The following LRRC69 variants were observed in gnomAD, a reference collection of about 807,000 sequenced individuals.
LRRC69 encodes leucine rich repeat containing 69.
Under a neutral mutation model 37.8 loss-of-function variants are expected in LRRC69, and 42 were observed. The observed-to-expected ratio is 1.11, with a 90% CI of 0.87 to 1.44. The LOEUF (loss-of-function observed/expected upper bound fraction) is 1.44. Among genes scored for constraint, LRRC69 ranks in the 40% most tolerant of loss-of-function variants. The probability of loss-of-function intolerance (pLI) is 0.00; values close to 1 mark genes in which losing one functional copy is unlikely to be tolerated. For missense variants in LRRC69, 357 were observed against 401.9 expected, an observed-to-expected ratio of 0.89 and a Z score of 0.96; for synonymous variants, 141 against 143.1, an observed-to-expected ratio of 0.99 and a Z score of 0.11.
At chr8:91,184,580 G>A (rs1168220480) in intron 5 of LRRC69, among the ~76,000 whole-genome samples, 3 of 152,076 alleles carry the variant, frequency 2.0e-5, no homozygotes. Context: ...ATTTTCTTTG[G>A]TTAAGGTGCA....
At chr8:91,131,866 C>T (rs1322697785) in intron 3 of LRRC69, among the ~76,000 whole-genome samples, 2 of 151,978 alleles carry the variant, frequency 1.3e-5, no homozygotes, top group Non-Finnish European at 2.9e-5. Flanking sequence ...TCTTCTTCTA[C>T]TTCTGTGTTC....
chr8:91,147,762 A>G (rs191311705), intron 5 of LRRC69, among the ~76,000 whole-genome samples: 5 of 151,886 alleles, frequency 3.3e-5, no homozygotes, highest in African/African-American at 1.2e-4. Flanking sequence ...GGTTTGTTAC[A>G]TAGGTAAACC....
rs779755406 is a variant in LRRC69 at position 91,161,616 on chromosome 8, C to T, written c.651+25877C>T. Among the ~76,000 whole-genome samples the T allele has an allele frequency of 9.3e-5, 14 of 151,218 alleles. No homozygotes were observed. The South Asian group carries it at 1.2e-3, about 13-fold the overall frequency. ...CATAATAATCTCTAATGATCCTTTGCGTTCTGTGATATTAATGTGTCTCCT... is the reference window on the plus strand; with the variant it reads ...CATAATAATCTCTAATGATCCTTTGTGTTCTGTGATATTAATGTGTCTCCT... On this transcript the variant is annotated intron_variant, in intron 5 of 7. Coordinates refer to ENST00000448384, the Ensembl canonical transcript of LRRC69.
intron 5 of LRRC69, among the ~76,000 whole-genome samples, chr8:91,161,844 G>T (rs1229763032): frequency 2.0e-5 from 3 of 151,166 alleles, no homozygotes; most frequent in Non-Finnish European, 4.4e-5. Context: ...GAGGTGCATT[G>T]TCAGATTGTT....
chr8:91,188,555 A>T (rs1420162535), intron 5 of LRRC69, among the ~76,000 whole-genome samples: 3 of 152,180 alleles, frequency 2.0e-5, no homozygotes, highest in African/African-American at 7.2e-5. Context: ...GTTTACCAGC[A>T]TACTACTTAA....
intron 5 of LRRC69, among the ~76,000 whole-genome samples, chr8:91,139,873 C>A (rs1434752993): frequency 2.0e-5 from 3 of 151,274 alleles, no homozygotes; most frequent in Non-Finnish European, 4.4e-5. Context: ...CGGATCACCT[C>A]AGGTCAGGAG....
chr8:91,156,258 G>A lies in LRRC69; in HGVS notation c.651+20519G>A, dbSNP rs560457772. ...AACAAATTCAAACTTTTGGACAAGA[G>A]CCATTCCAACTGGGATGAGATATGT... On this transcript the variant is annotated intron_variant, in intron 5 of 7. Coordinates refer to ENST00000448384, the Ensembl canonical transcript of LRRC69. Among the ~76,000 whole-genome samples, 76 of 150,874 alleles carry A rather than the reference G, an allele frequency of 5.0e-4. 1 individual carries two copies. Among genetic ancestry groups the A allele is most frequent in the Non-Finnish European group, 8.6e-4 (58 of 67,418 alleles).
At chr8:91,217,808 T>C (rs1810081158) in intron 7 of LRRC69, among the ~76,000 whole-genome samples, 1 of 152,170 alleles carries the variant, frequency 6.6e-6, no homozygotes, top group Non-Finnish European at 1.5e-5. Flanking sequence ...TTAATATCTT[T>C]GTAGGAAAAA....
At chr8:91,185,535 C>A (rs1404787447) in intron 5 of LRRC69, among the ~76,000 whole-genome samples, 1 of 151,944 alleles carries the variant, frequency 6.6e-6, no homozygotes, top group Non-Finnish European at 1.5e-5. Context: ...TTTTCCCTCC[C>A]TTTCATGCAG....
At chr8:91,183,440 T>C (rs1445593226) in intron 5 of LRRC69, among the ~76,000 whole-genome samples, 2 of 152,146 alleles carry the variant, frequency 1.3e-5, no homozygotes, top group Non-Finnish European at 2.9e-5. Flanking sequence ...GTTAGTATGT[T>C]TTCTATGGGC....
chr8:91,192,972 C>G (rs59781848), intron 6 of LRRC69, among the ~76,000 whole-genome samples: 1 of 152,064 alleles, frequency 6.6e-6, no homozygotes, highest in African/African-American at 2.4e-5. Flanking sequence ...GGGTTTTTTA[C>G]GGTTTTAGAT....
intron 4 of LRRC69, among the ~76,000 whole-genome samples, chr8:91,135,059 G>GT (rs925361766): frequency 6.6e-6 from 1 of 152,072 alleles, no homozygotes; most frequent in African/African-American, 2.4e-5. Flanking sequence ...ATGCTATGAA[G>GT]TGTTTTCAAG....
chr8:91,218,293 A>G (rs1810092010), intron 7 of LRRC69, among the ~76,000 whole-genome samples: 1 of 152,138 alleles, frequency 6.6e-6, no homozygotes, highest in South Asian at 2.1e-4. Context: ...TATTTCAAAC[A>G]TAAATGGTCA....
At chr8:91,168,782 A>G (rs568524913) in intron 5 of LRRC69, among the ~76,000 whole-genome samples, 1 of 152,034 alleles carries the variant, frequency 6.6e-6, no homozygotes, top group South Asian at 2.1e-4. Flanking sequence ...AAAAATATAG[A>G]AAGAATAATG....
chr8:91,211,827 A>G (rs967783889), intron 7 of LRRC69, among the ~76,000 whole-genome samples: 2 of 151,890 alleles, frequency 1.3e-5, no homozygotes, highest in Admixed American at 1.3e-4. Flanking sequence ...TTTACACTCA[A>G]AGGAGGGAGA....
chr8:91,189,496 A>C, intron 5 of LRRC69, 26 bp from the exon 6 acceptor site: 1 of 1,428,174 alleles, frequency 7.0e-7, no homozygotes. Context: ...TTGTTGTGCA[A>C]TAAGGTTTTT....
intron 7 of LRRC69, among the ~76,000 whole-genome samples, chr8:91,213,086 G>A (rs1216568281): frequency 6.6e-6 from 1 of 152,024 alleles, no homozygotes; most frequent in African/African-American, 2.4e-5. Context: ...GTTTTCTGAA[G>A]CTGTGTATCA....
chr8:91,148,455 G>C (rs1002354459), intron 5 of LRRC69, among the ~76,000 whole-genome samples: 6 of 151,774 alleles, frequency 4.0e-5, no homozygotes, highest in Non-Finnish European at 7.4e-5. Context: ...GTGTATATGT[G>C]CCACATTTTC....
At chr8:91,135,301 C>G (rs145209065) in intron 4 of LRRC69, among the ~76,000 whole-genome samples, 1 of 152,024 alleles carries the variant, frequency 6.6e-6, no homozygotes, top group African/African-American at 2.4e-5. Flanking sequence ...ATTCAACAAC[C>G]GTATGACTTA....
Sources: allele counts gnomAD v4.1 joint callset (sites outside exome capture counted in the v4.1 genomes callset), GRCh38; gene constraint gnomAD v4.1.1; transcripts MANE v1.5; gene names NCBI Gene and HGNC (gene_info 2026-07-23, HGNC 2026-07-21).